OGDH: variants seen among roughly 807,000 people sequenced by gnomAD.
The protein encoded by OGDH is oxoglutarate dehydrogenase, also known as 2-oxoglutarate dehydrogenase complex component E1.
OGDH carries 38 observed loss-of-function variants against 116.6 expected under a neutral mutation model. The observed-to-expected ratio is 0.33, with a 90% confidence interval of 0.25 to 0.43. The LOEUF (loss-of-function observed/expected upper bound fraction) is 0.43, where lower values mean the gene tolerates loss of function less well. OGDH is among the 20% of genes least tolerant of loss of function. OGDH has a pLI of 1.00. For missense variants in OGDH, 825 were observed against 1,357.2 expected (o/e 0.61, Z 6.16); for synonymous variants, 488 against 533.3 (o/e 0.92, Z 1.17).
chr7:44,664,935 C>G lies in OGDH; in HGVS notation c.518-1801C>G, dbSNP rs376035714. On this transcript the variant is annotated intron_variant, in intron 4 of 22. Coordinates refer to ENST00000222673, the MANE Select transcript of OGDH (RefSeq NM_002541.4). ...CTGTAGGCACCTACTTCACAGGGTC[C>G]ATGCTGAAAGACTGCAACCAATACA... Among the ~76,000 whole-genome samples the G allele has an allele frequency of 7.2e-5, 11 of 152,298 alleles. No individual in the cohort carries two copies. In the East Asian group the frequency reaches 1.7e-3, roughly 24 times the overall value.
chr7:44,627,300 C>A (rs555395982), intron 2 of OGDH, among the ~76,000 whole-genome samples: 1 of 152,258 alleles, frequency 6.6e-6, no homozygotes, highest in South Asian at 2.1e-4. Context: ...TGGCCATGTG[C>A]ATGTTTTTCA....
intron 2 of OGDH, among the ~76,000 whole-genome samples, chr7:44,635,543 G>A (rs1785629050): frequency 6.6e-6 from 1 of 152,108 alleles, no homozygotes; most frequent in African/African-American, 2.4e-5. Context: ...AGTAGGGAGG[G>A]CAGCTGGAGT....
intron 2 of OGDH, among the ~76,000 whole-genome samples, chr7:44,635,327 C>T (rs991972891): frequency 2.6e-5 from 4 of 152,182 alleles, no homozygotes; most frequent in African/African-American, 9.7e-5. Flanking sequence ...AGTGTCAGAA[C>T]TTAGTAAGTG....
At chr7:44,616,160 T>A (rs557366268) in intron 1 of OGDH, among the ~76,000 whole-genome samples, 1 of 152,332 alleles carries the variant, frequency 6.6e-6, no homozygotes, top group South Asian at 2.1e-4. Flanking sequence ...TAGCTATATT[T>A]AGCAGGAAAC....
Position 44,676,050 on chromosome 7 carries a change from C to G in OGDH, c.1107C>G (p.Ser369=), listed in dbSNP as rs1431775747. The change falls in exon 9 of 23, where the codon TCC becomes TCG. Residue 369 remains serine, a synonymous_variant. Transcript: ENST00000222673. ...TCACCGACAGGAACATTACCTTGTC[C>G]TTGGTGGCCAACCCTTCCCACCTTG... ...NRVTDRNITL[S]LVANPSHLEA... 3.1e-6 allele frequency: 5 copies of G among 1,614,104 alleles called. No homozygotes were observed. The highest frequency in any genetic ancestry group is 8.5e-7 in the Non-Finnish European group (1 of 1,180,028).
At chr7:44,635,727 A>T (rs118143890) in intron 2 of OGDH, among the ~76,000 whole-genome samples, 9,794 of 149,784 alleles carry the variant, frequency 0.065, 396 homozygotes, top group East Asian at 0.12. Flanking sequence ...TTTTTTCGAG[A>T]TGGAGTCTCG....
intron 1 of OGDH, among the ~76,000 whole-genome samples, chr7:44,616,777 G>GTA (rs1183571916): frequency 3.0e-4 from 41 of 136,832 alleles, no homozygotes; most frequent in African/African-American, 5.7e-4. Context: ...ACGTATATGT[G>GTA]TATATGCATA....
chr7:44,667,887 G>C (rs967303317), intron 5 of OGDH, among the ~76,000 whole-genome samples: 2 of 152,164 alleles, frequency 1.3e-5, no homozygotes, highest in Non-Finnish European at 2.9e-5. Context: ...CTATCATGCA[G>C]AGTCTGAATC....
intron 2 of OGDH, among the ~76,000 whole-genome samples, chr7:44,635,409 C>T (rs1323679364): frequency 6.6e-6 from 1 of 152,138 alleles, no homozygotes; most frequent in Non-Finnish European, 1.5e-5. Flanking sequence ...GGGTGTGGCT[C>T]CATGCAGCAA....
At chr7:44,642,268 A>G (rs1785976152) in intron 2 of OGDH, among the ~76,000 whole-genome samples, 1 of 152,110 alleles carries the variant, frequency 6.6e-6, no homozygotes, top group South Asian at 2.1e-4. Context: ...AATATTTAGT[A>G]AAAAAATTAG....
intron 20 of OGDH, among the ~76,000 whole-genome samples, chr7:44,704,035 C>CT (rs1788958671): frequency 6.6e-6 from 1 of 152,158 alleles, no homozygotes; most frequent in South Asian, 2.1e-4. Context: ...ACAAATATTT[C>CT]TTTGAGTCCC....
intron 19 of OGDH, among the ~76,000 whole-genome samples, chr7:44,700,577 A>AGGGGGTGTG (rs1788783895): frequency 6.6e-6 from 1 of 152,166 alleles, no homozygotes; most frequent in African/African-American, 2.4e-5. Flanking sequence ...AGGTGGTCAT[A>AGGGGGTGTG]GGGGGTGTGC....
At chr7:44,657,448 T>C (rs1333007349) in intron 4 of OGDH, among the ~76,000 whole-genome samples, 4 of 152,256 alleles carry the variant, frequency 2.6e-5, no homozygotes, top group Non-Finnish European at 5.9e-5. Context: ...TTTTTATTGC[T>C]GAGTAGTATT....
At chr7:44,685,124 AT>A (rs1459924017) in intron 10 of OGDH, among the ~76,000 whole-genome samples, 1 of 152,096 alleles carries the variant, frequency 6.6e-6, no homozygotes, top group Non-Finnish European at 1.5e-5. Context: ...TATACATAAA[AT>A]TTACATTGTT....
In OGDH at chr7:44,707,712, C is replaced by T. The variant is rs764658442; in HGVS notation, c.2927C>T (p.Thr976Ile). The part of the protein sequence containing the change: ...YDYVKPRLRT[T>I]ISRAKPVWYA... ...TACGTGAAGCCAAGACTTCGGACCA[C>T]CATCAGCCGCGCCAAGCCCGTCTGG... The change falls in exon 22 of 23, where the codon ACC becomes ATC. Residue 976 changes from threonine to isoleucine, a missense_variant. By Grantham distance (89) the Thr-to-Ile change is moderately conservative. Coordinates refer to ENST00000222673, the MANE Select transcript of OGDH (RefSeq NM_002541.4). This position sits in a 1 kb window ranked among gnomAD's most constrained non-coding sequence, Gnocchi z 5.2. 10 of 1,614,092 alleles carry T rather than the reference C, an allele frequency of 6.2e-6. No individual in the cohort carries two copies. The highest frequency in any genetic ancestry group is 1.3e-5 in the African/African-American group (1 of 74,946).
chr7:44,642,038 C>T (rs555427401), intron 2 of OGDH, among the ~76,000 whole-genome samples: 3 of 152,218 alleles, frequency 2.0e-5, no homozygotes, highest in South Asian at 4.1e-4. Flanking sequence ...TCATGAGAAC[C>T]GATTTAATGG....
chr7:44,683,852 G>A (rs548426085), intron 10 of OGDH, among the ~76,000 whole-genome samples: 30 of 152,156 alleles, frequency 2.0e-4, no homozygotes, highest in African/African-American at 6.7e-4. Flanking sequence ...TCCCCTCATC[G>A]ATGCGTGTGA....
chr7:44,708,154 G>C lies in OGDH; in HGVS notation c.*155G>C. ...CTGCTCTCATAGGAGTTAGGCTGTC[G>C]TCCCCCTCCAGTGCTTGGCTGCCCC... On this transcript the variant is annotated 3_prime_UTR_variant, in exon 23 of 23. Transcript: ENST00000222673. 1 of 1,079,568 alleles carries C rather than the reference G, an allele frequency of 9.3e-7. No homozygotes were observed. The highest frequency in any genetic ancestry group is 1.3e-6 in the Non-Finnish European group (1 of 764,738). The allele number at this position is 1,079,568 out of a possible 1,614,324, so 66.9% of individuals were successfully genotyped here. A position where few individuals can be genotyped will look rare whatever the true frequency, so the allele number is the denominator to read the frequency against.
At chr7:44,685,603 C>T (rs1788094796) in intron 10 of OGDH, among the ~76,000 whole-genome samples, 2 of 151,960 alleles carry the variant, frequency 1.3e-5, no homozygotes, top group South Asian at 2.1e-4. Flanking sequence ...CCATATATCT[C>T]TTTGACACCC....
Sources: allele counts gnomAD v4.1 joint callset (sites outside exome capture counted in the v4.1 genomes callset), GRCh38; gene constraint gnomAD v4.1.1; non-coding constraint Gnocchi (gnomAD v3.1); transcripts MANE v1.5; gene names NCBI Gene and HGNC (gene_info 2026-07-23, HGNC 2026-07-21).